STX8: variants seen among roughly 807,000 people sequenced by gnomAD.
The protein encoded by STX8 is syntaxin 8.
Under a neutral mutation model 37.5 loss-of-function variants are expected in STX8, and 23 were observed. The ratio of observed to expected loss-of-function variants is 0.61; its 90% CI spans 0.44 to 0.87. The LOEUF is 0.87. Ranked by LOEUF, STX8 falls within the 40% of genes least tolerant of loss-of-function variation. The pLI is 0.00. For synonymous variants in STX8, 115 were observed against 99.1 expected (o/e 1.16, Z -0.95); for missense variants, 313 against 284.7 (o/e 1.10, Z -0.71).
At chr17:9,483,991 A>C (rs139937033) in intron 6 of STX8, among the ~76,000 whole-genome samples, 277 of 152,300 alleles carry the variant, frequency 1.8e-3, no homozygotes, top group African/African-American at 6.2e-3. Context: ...TTCATGAGCA[A>C]TAGTGTCATC....
intron 6 of STX8, among the ~76,000 whole-genome samples, chr17:9,406,708 GCTAA>G (rs562117056): frequency 3.9e-4 from 59 of 152,248 alleles, no homozygotes; most frequent in African/African-American, 1.3e-3. Flanking sequence ...TTTTTACGTA[GCTAA>G]CTTTTTCTTA....
chr17:9,483,273 C>T (rs1010489061), intron 6 of STX8, among the ~76,000 whole-genome samples: 4 of 152,032 alleles, frequency 2.6e-5, no homozygotes, highest in Non-Finnish European at 5.9e-5. Flanking sequence ...CTCATGGCTC[C>T]GTTCTCCACG....
At chr17:9,397,517 T>C (rs1396432953) in intron 6 of STX8, among the ~76,000 whole-genome samples, 1 of 152,168 alleles carries the variant, frequency 6.6e-6, no homozygotes, top group Non-Finnish European at 1.5e-5. Context: ...CAACAATCCA[T>C]GTGGTGATGG....
At chr17:9,305,124 C>T (rs143199674) in intron 7 of STX8, among the ~76,000 whole-genome samples, 157 of 151,916 alleles carry the variant, frequency 1.0e-3, no homozygotes, top group Non-Finnish European at 1.7e-3. Flanking sequence ...GATGGAGTCT[C>T]GCTCTGTTGC....
At chr17:9,487,736 G>A (rs769608748) in intron 6 of STX8, among the ~76,000 whole-genome samples, 1 of 152,152 alleles carries the variant, frequency 6.6e-6, no homozygotes, top group African/African-American at 2.4e-5. Context: ...AGGTGTGGGG[G>A]AAGCAGCAAA....
chr17:9,537,108 C>A (rs996722832), intron 4 of STX8, among the ~76,000 whole-genome samples: 1 of 152,196 alleles, frequency 6.6e-6, no homozygotes, highest in African/African-American at 2.4e-5. Flanking sequence ...GCCCACCTTG[C>A]GTGGCTTCAG....
intron 7 of STX8, among the ~76,000 whole-genome samples, chr17:9,349,323 T>TC (rs1910628438): frequency 1.4e-5 from 2 of 145,310 alleles, no homozygotes; most frequent in Admixed American, 1.4e-4. Context: ...TTTCTTTTTT[T>TC]TTTTTTTTTT....
At chr17:9,264,026 C>G (rs1045472159) in intron 7 of STX8, among the ~76,000 whole-genome samples, 1 of 152,156 alleles carries the variant, frequency 6.6e-6, no homozygotes, top group Admixed American at 6.5e-5. Context: ...GGATAGTCAC[C>G]ATGTGAGTAG....
At chr17:9,311,386 AAAGT>A (rs1467932981) in intron 7 of STX8, among the ~76,000 whole-genome samples, 9 of 152,232 alleles carry the variant, frequency 5.9e-5, no homozygotes, top group African/African-American at 1.4e-4. Flanking sequence ...GCACAGCAAG[AAAGT>A]AAGACAGAAA....
At chr17:9,353,701 A>G (rs937123256) in intron 7 of STX8, among the ~76,000 whole-genome samples, 1 of 152,184 alleles carries the variant, frequency 6.6e-6, no homozygotes, top group Non-Finnish European at 1.5e-5. Flanking sequence ...CTGCAATTCA[A>G]TGTCCTTAAA....
chr17:9,279,928 G>A (rs1456716523), intron 7 of STX8, among the ~76,000 whole-genome samples: 1 of 152,166 alleles, frequency 6.6e-6, no homozygotes, highest in Non-Finnish European at 1.5e-5. Flanking sequence ...TTCTCATAAG[G>A]CAGTTAAAAT....
chr17:9,548,456 T>C (rs1472911113), intron 3 of STX8: 1 of 152,226 alleles, frequency 6.6e-6, no homozygotes, highest in Non-Finnish European at 1.5e-5. Context: ...ACTGCTAGAC[T>C]GCCTTCTAAA....
intron 1 of STX8, 42 bp downstream of exon 1, chr17:9,575,750 C>G (rs760520489): frequency 1.3e-6 from 2 of 1,545,710 alleles, no homozygotes; most frequent in African/African-American, 1.4e-5. Context: ...CCGGCCTCCC[C>G]GAAGGTCCCT....
intron 7 of STX8, among the ~76,000 whole-genome samples, chr17:9,375,619 G>A (rs751993974): frequency 3.3e-5 from 5 of 152,080 alleles, no homozygotes; most frequent in East Asian, 1.9e-4. Flanking sequence ...CTTGCTCACC[G>A]CACACAATGT....
At chr17:9,575,110 T>C (rs1290482000) in intron 1 of STX8, among the ~76,000 whole-genome samples, 1 of 152,238 alleles carries the variant, frequency 6.6e-6, no homozygotes, top group African/African-American at 2.4e-5. Context: ...ATATGTTCCT[T>C]GGGATCAAAA....
At chr17:9,320,342 AAAAAG>A in intron 7 of STX8, among the ~76,000 whole-genome samples, 1 of 151,924 alleles carries the variant, frequency 6.6e-6, no homozygotes, top group Non-Finnish European at 1.5e-5. Context: ...CAAAAAAAAA[AAAAAG>A]AAAACAAAAA....
intron 4 of STX8, among the ~76,000 whole-genome samples, chr17:9,534,780 C>G (rs748166766): frequency 2.6e-5 from 4 of 151,616 alleles, no homozygotes; most frequent in South Asian, 2.1e-4. Context: ...CAGTGAGATT[C>G]TGTCTCAAAA....
intron 4 of STX8, among the ~76,000 whole-genome samples, chr17:9,540,967 C>A (rs914796864): frequency 1.3e-5 from 2 of 152,184 alleles, no homozygotes; most frequent in Admixed American, 1.3e-4. Context: ...CACCAACAAG[C>A]AACAGCTTTA....
At chr17:9,441,232 C>T (rs1261650590) in intron 6 of STX8, among the ~76,000 whole-genome samples, 2 of 152,226 alleles carry the variant, frequency 1.3e-5, no homozygotes, top group South Asian at 4.2e-4. Flanking sequence ...TGGCTCACAC[C>T]TGTAATCCCA....
Sources: gnomAD v4.1 joint callset for allele counts (sites outside exome capture counted in the v4.1 genomes callset) on GRCh38, gnomAD v4.1.1 for gene constraint, MANE v1.5 for transcripts, NCBI Gene and HGNC (gene_info 2026-07-23, HGNC 2026-07-21) for gene names.